The following NTRK3 variants were observed in gnomAD, a reference collection of about 807,000 sequenced individuals.
NTRK3 encodes the protein neurotrophic receptor tyrosine kinase 3.
In NTRK3, 24 loss-of-function variants were observed where a neutral mutation model predicts 91.7. That is an observed-to-expected ratio of 0.26 (90% CI 0.19 to 0.37). NTRK3 has a LOEUF of 0.37. Among genes scored for constraint, NTRK3 ranks in the 10% least tolerant of loss-of-function variants. The pLI is 1.00. For synonymous variants in NTRK3, 483 were observed against 404.0 expected (o/e 1.20, Z -2.34); for missense variants, 880 against 1,068.9 (o/e 0.82, Z 2.46).
At chr15:88,115,958 G>A (rs1285300903) in intron 13 of NTRK3, among the ~76,000 whole-genome samples, 1 of 152,036 alleles carries the variant, frequency 6.6e-6, no homozygotes, top group African/African-American at 2.4e-5. Flanking sequence ...CCAGATCAGG[G>A]GTGGGAGGGA....
chr15:88,101,622 G>A (rs1217838654), intron 13 of NTRK3, among the ~76,000 whole-genome samples: 5 of 152,132 alleles, frequency 3.3e-5, no homozygotes, highest in East Asian at 3.8e-4. Flanking sequence ...CAACCCAAAT[G>A]TCCAACAATG....
chr15:88,186,626 G>T (rs2046969013), intron 3 of NTRK3, among the ~76,000 whole-genome samples: 1 of 152,136 alleles, frequency 6.6e-6, no homozygotes, highest in Non-Finnish European at 1.5e-5. Flanking sequence ...GCTAAAAATA[G>T]CATTTACATT....
intron 14 of NTRK3, among the ~76,000 whole-genome samples, chr15:87,998,220 A>C (rs558432546): frequency 4.6e-5 from 7 of 152,342 alleles, no homozygotes; most frequent in African/African-American, 1.7e-4. Context: ...GTTGAGAACC[A>C]CTGCTACAAG....
At chr15:87,900,055 C>T (rs767477572) in intron 17 of NTRK3, among the ~76,000 whole-genome samples, 11 of 152,162 alleles carry the variant, frequency 7.2e-5, no homozygotes, top group East Asian at 3.9e-4. Context: ...TCATAGATCA[C>T]TTGCAGGACC....
At chr15:88,053,837 C>T (rs2045446944) in intron 13 of NTRK3, among the ~76,000 whole-genome samples, 1 of 152,176 alleles carries the variant, frequency 6.6e-6, no homozygotes, top group African/African-American at 2.4e-5. Context: ...AAATGAAAGG[C>T]TATACTTAAT....
intron 6 of NTRK3, among the ~76,000 whole-genome samples, chr15:88,142,183 G>A (rs1262264504): frequency 1.3e-5 from 2 of 152,154 alleles, no homozygotes; most frequent in Non-Finnish European, 2.9e-5. Context: ...TCCATCCTGT[G>A]TCCCTCCTCC....
rs962144137 is a variant in NTRK3 at position 88,211,029 on chromosome 15, A to G, written c.249-26730T>C. ...GCACTATTGTTTTAATTGAGGGCAA[A>G]TTTACATAACATAAAATTAGCCATC... On this transcript the variant is annotated intron_variant, in intron 3 of 18. Transcript: ENST00000394480. Among the ~76,000 whole-genome samples, 6 of 152,326 alleles carry G rather than the reference A, an allele frequency of 3.9e-5. No homozygotes were observed. In the South Asian group the frequency reaches 1.2e-3, roughly 32 times the overall value.
At chr15:87,878,400 C>T (rs1351274413) in intron 18 of NTRK3, among the ~76,000 whole-genome samples, 1 of 152,174 alleles carries the variant, frequency 6.6e-6, no homozygotes, top group Admixed American at 6.5e-5. Context: ...GTGTCAGCAT[C>T]CGCCTGGTTA....
intron 3 of NTRK3, among the ~76,000 whole-genome samples, chr15:88,211,607 C>T (rs1262680197): frequency 6.6e-6 from 1 of 152,136 alleles, no homozygotes; most frequent in Non-Finnish European, 1.5e-5. Context: ...GCAAAATAGA[C>T]TTATTAAAAG....
exon 19 of NTRK3, chr15:87,862,240 C>T (rs2064548929): frequency 4.5e-6 from 1 of 223,302 alleles, no homozygotes; most frequent in Non-Finnish European, 8.9e-6. Flanking sequence ...GAATGGATGG[C>T]TACATCTTAG....
At chr15:88,095,455 A>G (rs899551571) in intron 13 of NTRK3, among the ~76,000 whole-genome samples, 2 of 152,184 alleles carry the variant, frequency 1.3e-5, no homozygotes, top group African/African-American at 4.8e-5. Flanking sequence ...ACAGGGTGTC[A>G]ATGTTGTCAA....
At chr15:87,872,248 AG>A (rs1459424516) in exon 19 of NTRK3, 19 of 219,572 alleles carry the variant, frequency 8.7e-5, no homozygotes, top group African/African-American at 4.3e-4. Context: ...AGCACTAAAA[AG>A]ACCCTTAATC....
At chr15:88,162,596 G>A (rs1039425034) in intron 5 of NTRK3, among the ~76,000 whole-genome samples, 2 of 152,186 alleles carry the variant, frequency 1.3e-5, no homozygotes, top group Non-Finnish European at 2.9e-5. Context: ...CTCAGCATAC[G>A]CGCTAAATGG....
At chr15:88,126,966 C>A (rs374732146) in intron 12 of NTRK3, among the ~76,000 whole-genome samples, 196 bp downstream of exon 12, 2 of 152,110 alleles carry the variant, frequency 1.3e-5, no homozygotes, top group Non-Finnish European at 2.9e-5. Context: ...TGGAGCAGAT[C>A]GTCAAACATT....
At chr15:88,228,985 C>T (rs180695066) in intron 3 of NTRK3, among the ~76,000 whole-genome samples, 2 of 152,202 alleles carry the variant, frequency 1.3e-5, no homozygotes, top group Non-Finnish European at 2.9e-5. Context: ...CACTCCTTAC[C>T]CCTCCCTGAC....
chr15:88,072,667 T>A (rs1393483719), intron 13 of NTRK3: 5 of 232,596 alleles, frequency 2.1e-5, no homozygotes, highest in Admixed American at 5.6e-5. Flanking sequence ...ACACCCTTGG[T>A]TTGAAGAATT....
intron 3 of NTRK3, chr15:88,206,047 A>AGGG (rs1174801979): frequency 6.6e-6 from 1 of 152,274 alleles, no homozygotes; most frequent in African/African-American, 2.4e-5. Flanking sequence ...CACTTATTAA[A>AGGG]ACTCTCCAGA....
chr15:87,940,762 T>C lies in NTRK3; in HGVS notation c.1586-9A>G, dbSNP rs1223129413. ...CTTAATGTGCTGCACATCTGTAGGA[T>C]GGGGACAAAGAGGAGGGCAGCAAAT... On this transcript the variant is annotated splice_polypyrimidine_tract_variant and intron_variant, in intron 14 of 18. Transcript: ENST00000394480. The C allele has an allele frequency of 1.2e-6, 2 of 1,614,032 alleles. No individual in the cohort carries two copies. The highest frequency in any genetic ancestry group is 1.7e-4 in the Middle Eastern group (1 of 6,060).
At position 88,255,928 on chromosome 15, in the gene NTRK3, T is replaced by G. The variant is rs1298685975; in HGVS notation, c.226A>C (p.Ile76Leu). The change falls in exon 3 of 19, where the codon ATC becomes CTC. Residue 76 changes from isoleucine to leucine, a missense_variant. Physicochemically the swap from Ile to Leu is conservative, Grantham distance 5. Coordinates refer to ENST00000394480, the Ensembl canonical transcript of NTRK3. This position sits in a 1 kb window ranked among gnomAD's most constrained non-coding sequence, Gnocchi z 4.3. ...TACATGGAAGTGATATTCCTTGAGA[T>G]GTCCGTGATGTTGATACTGGCGTTC... 1.2e-6 allele frequency: 2 copies of G among 1,612,052 alleles called. No individual in the cohort carries two copies. The highest frequency in any genetic ancestry group is 1.7e-6 in the Non-Finnish European group (2 of 1,178,822).
Sources: gnomAD v4.1 joint callset for allele counts (sites outside exome capture counted in the v4.1 genomes callset) on GRCh38, gnomAD v4.1.1 for gene constraint, Gnocchi (gnomAD v3.1) non-coding constraint, MANE v1.5 for transcripts, NCBI Gene and HGNC (gene_info 2026-07-23, HGNC 2026-07-21) for gene names.